TMED8: variants seen among roughly 807,000 people sequenced by gnomAD.
TMED8 encodes protein TMED8.
In TMED8, 15 loss-of-function variants were observed where a neutral mutation model predicts 32.7. The observed-to-expected ratio is 0.46, with a 90% CI of 0.31 to 0.71. The LOEUF is 0.71. TMED8 is among the 30% of genes least tolerant of loss of function. TMED8 has a pLI of 0.06. For missense variants in TMED8, 390 were observed against 423.9 expected, an observed-to-expected ratio of 0.92 and a Z score of 0.70; for synonymous variants, 147 against 161.4, an observed-to-expected ratio of 0.91 and a Z score of 0.68.
chr14:77,366,545 G>A (rs779559998), intron 1 of TMED8, among the ~76,000 whole-genome samples: 1 of 152,104 alleles, frequency 6.6e-6, no homozygotes, highest in Non-Finnish European at 1.5e-5. Flanking sequence ...AAGACAGCCA[G>A]AATTAACTTA....
intron 4 of TMED8, 53 bp downstream of exon 4, chr14:77,343,640 CCTTT>C (rs1362589593): frequency 4.2e-5 from 67 of 1,602,682 alleles, no homozygotes; most frequent in Non-Finnish European, 5.6e-5. Context: ...TGTCTGCCTG[CCTTT>C]CTTTGAGTAT....
chr14:77,355,680 A>C (rs1480076401), intron 1 of TMED8, among the ~76,000 whole-genome samples: 2 of 152,198 alleles, frequency 1.3e-5, no homozygotes, highest in African/African-American at 4.8e-5. Flanking sequence ...ACAGATTGTT[A>C]TAGACTGTTA....
intron 1 of TMED8, among the ~76,000 whole-genome samples, chr14:77,364,746 G>C (rs1594852160): frequency 6.6e-6 from 1 of 152,022 alleles, no homozygotes. Flanking sequence ...CAAGTCCCCA[G>C]AACTGAAAAA....
chr14:77,354,514 T>C (rs1229323985), intron 1 of TMED8, among the ~76,000 whole-genome samples: 1 of 152,250 alleles, frequency 6.6e-6, no homozygotes, highest in African/African-American at 2.4e-5. Flanking sequence ...TTCCAGACTT[T>C]ATTTCCTTTA....
intron 1 of TMED8, among the ~76,000 whole-genome samples, chr14:77,360,629 T>C (rs1395175596): frequency 6.6e-6 from 1 of 152,226 alleles, no homozygotes; most frequent in Admixed American, 6.5e-5. Context: ...ATTGTTTTCA[T>C]ATCTTGGCTA....
At chr14:77,368,176 G>A (rs7140631) in intron 1 of TMED8, among the ~76,000 whole-genome samples, 14,583 of 152,100 alleles carry the variant, frequency 0.096, 1,197 homozygotes, top group African/African-American at 0.22. Context: ...GAATGGAAAC[G>A]GTTAAGTCAT....
chr14:77,351,881 C>T lies in TMED8; in HGVS notation c.119-130G>A, dbSNP rs557482748. 327 of 585,610 alleles carry T rather than the reference C, an allele frequency of 5.6e-4. 1 individual carries two copies. The highest frequency in any genetic ancestry group is 5.0e-3 in the East Asian group (165 of 32,888). The allele number at this position is 585,610 out of a possible 1,614,324, so 36.3% of individuals were successfully genotyped here. A position where few individuals can be genotyped will look rare whatever the true frequency, so the allele number is the denominator to read the frequency against. Reference sequence around the variant, plus strand: ...AAAATATTCTGGTATGAACTTTATACTCTCAGAGGCCCAACACATAAATTA... The same window carrying T: ...AAAATATTCTGGTATGAACTTTATATTCTCAGAGGCCCAACACATAAATTA... On this transcript the variant is annotated intron_variant, in intron 1 of 5. Coordinates refer to ENST00000216468, the MANE Select transcript of TMED8 (RefSeq NM_213601.3).
intron 1 of TMED8, among the ~76,000 whole-genome samples, chr14:77,372,906 T>TTTATA (rs1227686477): frequency 4.2e-4 from 15 of 35,342 alleles, no homozygotes; most frequent in African/African-American, 1.1e-3. Context: ...GCCACAGATA[T>TTTATA]TATATATATA....
intron 1 of TMED8, among the ~76,000 whole-genome samples, chr14:77,364,317 C>T (rs1388133137): frequency 6.6e-6 from 1 of 152,066 alleles, no homozygotes; most frequent in Non-Finnish European, 1.5e-5. Flanking sequence ...GTTTTGCAAT[C>T]ACAGCTCACT....
intron 2 of TMED8, among the ~76,000 whole-genome samples, chr14:77,350,943 T>C (rs1566687412): frequency 2.0e-5 from 3 of 152,230 alleles, no homozygotes; most frequent in Non-Finnish European, 4.4e-5. Flanking sequence ...TTTCAAATTA[T>C]TTGATGCTGG....
intron 2 of TMED8, among the ~76,000 whole-genome samples, chr14:77,351,392 TG>T (rs78455057): frequency 1 from 142,789 of 142,790 alleles, 71,394 homozygotes; most frequent in Non-Finnish European, 1. Flanking sequence ...GCGTGTAGTC[TG>T]GCCACCACGC....
Position 77,343,713 on chromosome 14 carries a change from C to T in TMED8, c.438G>A (p.Leu146=), listed in dbSNP as rs1892963579. 1.9e-6 allele frequency: 3 copies of T among 1,614,066 alleles called. No homozygotes were observed. Among genetic ancestry groups the T allele is most frequent in the Admixed American group, 3.3e-5 (2 of 59,992 alleles). The change falls in exon 4 of 6, where the codon CTG becomes CTA. Residue 146 remains leucine, a synonymous_variant. Coordinates refer to ENST00000216468, the MANE Select transcript of TMED8 (RefSeq NM_213601.3). The part of the protein sequence containing the change: ...LSADLESADL[L]GDHRKVSPPL... ...AGGTCTCACCTTTCCTGTGGTCCCCCAGAAGATCTGCAGATTCCAAATCAG... is the reference window on the plus strand; with the variant it reads ...AGGTCTCACCTTTCCTGTGGTCCCCTAGAAGATCTGCAGATTCCAAATCAG...
At position 77,335,165 on chromosome 14, in the gene TMED8, C is replaced by CTCT. The variant is rs1892732874; in HGVS notation, c.*6605_*6606insAGA. On this transcript the variant is annotated 3_prime_UTR_variant, in exon 6 of 6. Coordinates refer to ENST00000216468, the MANE Select transcript of TMED8 (RefSeq NM_213601.3). Reference sequence around the variant, plus strand: ...TACTTGAAGAAGCACAGCTCAGAATCATCAGTGTAATCGCAGTAACACACC... The same window carrying CTCT: ...TACTTGAAGAAGCACAGCTCAGAATCTCTATCAGTGTAATCGCAGTAACACACC... 6.6e-6 allele frequency: 1 copy of CTCT among 152,142 alleles called. No individual in the cohort carries two copies. Among genetic ancestry groups the CTCT allele is most frequent in the Non-Finnish European group, 1.5e-5 (1 of 68,020 alleles). The allele number at this position is 152,142 out of a possible 1,614,324, so 9.4% of individuals were successfully genotyped here. A position where few individuals can be genotyped will look rare whatever the true frequency, so the allele number is the denominator to read the frequency against.
At chr14:77,361,825 T>C (rs1893442806) in intron 1 of TMED8, among the ~76,000 whole-genome samples, 1 of 152,224 alleles carries the variant, frequency 6.6e-6, no homozygotes, top group South Asian at 2.1e-4. Flanking sequence ...ACAGGGTCTC[T>C]GTAAGCCATG....
intron 1 of TMED8, among the ~76,000 whole-genome samples, chr14:77,356,077 T>G (rs551892338): frequency 1.3e-5 from 2 of 152,322 alleles, no homozygotes; most frequent in East Asian, 3.9e-4. Flanking sequence ...AGAGGCTACT[T>G]TGTAACACCA....
Position 77,358,181 on chromosome 14 carries a change from TCACA to T in TMED8, c.119-6434_119-6431del, listed in dbSNP as rs75880149. Among the ~76,000 whole-genome samples the T allele has an allele frequency of 6.2e-3, 899 of 145,392 alleles. 4 individuals carry two copies. Among genetic ancestry groups the T allele is most frequent in the Non-Finnish European group, 8.7e-3 (581 of 66,786 alleles). On this transcript the variant is annotated intron_variant, in intron 1 of 5. Transcript: ENST00000216468. ...TAAAGACCACAATCAATGTAATATA[TCACA>T]CACACACACACACACACACGAATAT...
intron 1 of TMED8, among the ~76,000 whole-genome samples, chr14:77,361,639 G>A (rs1893437869): frequency 6.6e-6 from 1 of 152,128 alleles, no homozygotes; most frequent in Non-Finnish European, 1.5e-5. Context: ...TGTTAAATCT[G>A]CATATTGTTT....
intron 1 of TMED8, among the ~76,000 whole-genome samples, chr14:77,353,959 T>C (rs750275921): frequency 2.6e-5 from 4 of 152,184 alleles, no homozygotes; most frequent in Admixed American, 6.6e-5. Context: ...TTCTAATAAA[T>C]TCTACTCTTT....
chr14:77,366,599 T>C (rs1298275200), intron 1 of TMED8, among the ~76,000 whole-genome samples: 3 of 152,212 alleles, frequency 2.0e-5, no homozygotes, highest in African/African-American at 7.2e-5. Context: ...CTGGATAGAA[T>C]TTCACTGGGT....
Sources: allele counts gnomAD v4.1 joint callset (sites outside exome capture counted in the v4.1 genomes callset), GRCh38; gene constraint gnomAD v4.1.1; transcripts MANE v1.5; gene names NCBI Gene and HGNC (gene_info 2026-07-23, HGNC 2026-07-21).